Variants in SLC35F5 observed in about 807,000 individuals in gnomAD.
The protein encoded by SLC35F5 is solute carrier family 35 member F5, also known as HCV NS5A-transactivated protein 3.
SLC35F5 carries 54 observed loss-of-function variants against 68.6 expected under a neutral mutation model. The observed-to-expected ratio is 0.79, with a 90% CI of 0.63 to 0.99. The LOEUF is 0.99. Ranked by LOEUF, SLC35F5 falls within the 50% of genes least tolerant of loss-of-function variation. The pLI is 0.00. For synonymous variants in SLC35F5, 211 were observed against 205.2 expected (o/e 1.03, Z -0.24); for missense variants, 567 against 626.9 (o/e 0.90, Z 1.02).
chr2:113,752,509 A>T (rs1315784241), intron 3 of SLC35F5, among the ~76,000 whole-genome samples: 1 of 152,226 alleles, frequency 6.6e-6, no homozygotes, highest in Non-Finnish European at 1.5e-5. Flanking sequence ...CTGAAAACTA[A>T]ACCTAAATCA....
chr2:113,753,457 G>C (rs559532459), intron 3 of SLC35F5, among the ~76,000 whole-genome samples: 238 of 152,160 alleles, frequency 1.6e-3, no homozygotes, highest in African/African-American at 5.5e-3. Context: ...GATTTCAGGC[G>C]TGAGCCACTG....
intron 9 of SLC35F5, among the ~76,000 whole-genome samples, chr2:113,734,249 GA>G (rs1559340312): frequency 1.3e-5 from 2 of 152,126 alleles, no homozygotes; most frequent in African/African-American, 4.8e-5. Context: ...ACAAAGAGGG[GA>G]AATTGCCTTA....
At chr2:113,745,592 C>T (rs1458511396) in intron 5 of SLC35F5, among the ~76,000 whole-genome samples, 1 of 152,020 alleles carries the variant, frequency 6.6e-6, no homozygotes, top group Non-Finnish European at 1.5e-5. Flanking sequence ...ATTGCTTAAG[C>T]CCAGCAGTTG....
Position 113,743,814 on chromosome 2 carries a change from A to G in SLC35F5, c.481-20T>C, listed in dbSNP as rs1223806941. The stretch of plus-strand genomic sequence containing the variant: ...TTCACTCTGGAATGTAACAGAAAAA[A>G]ATATAAACAACAAATATAAAAGCTA... On this transcript the variant is annotated intron_variant, in intron 5 of 15. Transcript: ENST00000245680. 6.4e-7 allele frequency: 1 copy of G among 1,563,688 alleles called. No individual in the cohort carries two copies. Among genetic ancestry groups the G allele is most frequent in the Non-Finnish European group, 8.7e-7 (1 of 1,147,206 alleles).
In SLC35F5 at chr2:113,710,116, C is replaced by T. The variant is rs2104950353; in HGVS notation, c.*5102G>A. On this transcript the variant is annotated 3_prime_UTR_variant, in exon 16 of 16. Transcript: ENST00000245680. ...CAGGCATGAGCCTGTGTTCTCCCCT[C>T]TCTTCCAATAATGTGTATTCAACAA... 6.6e-6 allele frequency among the ~76,000 whole-genome samples: 1 copy of T among 152,288 alleles called. No homozygotes were observed. The highest frequency in any genetic ancestry group is 3.4e-3 in the Middle Eastern group (1 of 294).
At position 113,737,988 on chromosome 2, in the gene SLC35F5, A is replaced by G. The variant is rs566515343; in HGVS notation, c.751-2130T>C. Among the ~76,000 whole-genome samples the G allele has an allele frequency of 4.0e-5, 6 of 151,438 alleles. 1 individual carries two copies. Among genetic ancestry groups the G allele is most frequent in the African/African-American group, 1.5e-4 (6 of 40,728 alleles). On this transcript the variant is annotated intron_variant, in intron 7 of 15. Transcript: ENST00000245680. The stretch of plus-strand genomic sequence containing the variant: ...TAAAATGTTAATATTTGATAAAAAT[A>G]GTGTATGTTCAAGGTATATAACATG...
chr2:113,743,836 G>C, intron 5 of SLC35F5, 42 bp from the exon 6 acceptor site: 2 of 1,493,172 alleles, frequency 1.3e-6, no homozygotes, highest in Non-Finnish European at 1.8e-6. Context: ...AAATATAAAA[G>C]CTAACATAGT....
At position 113,731,422 on chromosome 2, in the gene SLC35F5, C is replaced by G. The variant is rs559981550; in HGVS notation, c.985+162G>C. On this transcript the variant is annotated intron_variant, in intron 10 of 15. Coordinates refer to ENST00000245680, the MANE Select transcript of SLC35F5 (RefSeq NM_025181.5). ...TCTGGGTGAAGGCTATGAGAATTCA[C>G]TAAACTATTTACGCATTTTTTTATG... 5.5e-4 allele frequency among the ~76,000 whole-genome samples: 83 copies of G among 152,274 alleles called. 1 individual carries two copies. The highest frequency in any genetic ancestry group is 5.9e-5 in the Non-Finnish European group (4 of 68,010).
chr2:113,743,439 T>C (rs1169455540), intron 6 of SLC35F5, among the ~76,000 whole-genome samples: 1 of 152,210 alleles, frequency 6.6e-6, no homozygotes, highest in Non-Finnish European at 1.5e-5. Flanking sequence ...TGTTTATATA[T>C]AAGCGTGTGA....
intron 7 of SLC35F5, chr2:113,742,261 TC>T (rs1418281917): frequency 1.2e-5 from 2 of 167,572 alleles, no homozygotes; most frequent in African/African-American, 4.7e-5. Context: ...ATACTTAACC[TC>T]ATTTATATGA....
At chr2:113,736,449 T>A (rs2418916) in intron 7 of SLC35F5, among the ~76,000 whole-genome samples, 73,984 of 150,386 alleles carry the variant, frequency 0.49, 18,805 homozygotes, top group Middle Eastern at 0.66. Flanking sequence ...TCTCAAAAAA[T>A]AAAAAAATCG....
intron 4 of SLC35F5, among the ~76,000 whole-genome samples, chr2:113,749,785 G>A (rs1676661041): frequency 6.6e-6 from 1 of 151,982 alleles, no homozygotes; most frequent in Non-Finnish European, 1.5e-5. Flanking sequence ...TTAAAATGGT[G>A]TATTTCACAT....
Position 113,734,616 on chromosome 2 carries a change from G to A in SLC35F5, c.890C>T (p.Thr297Ile), listed in dbSNP as rs1250663545. The A allele has an allele frequency of 6.2e-7, 1 of 1,604,024 alleles. No homozygotes were observed. The highest frequency in any genetic ancestry group is 1.3e-5 in the African/African-American group (1 of 74,656). ...AATTACAGCTAATAGTTTAGAAAGG[G>A]TAAATCTATCTCCACTGTTACTTGG... ...VFPSNSGDRF[T>I]LSKLLAVILS... Residue 297 changes from threonine (T) to isoleucine (I), a missense_variant, in exon 9 of 16, where the codon ACC (threonine) becomes ATC (isoleucine). Thr to Ile is a moderately conservative substitution (Grantham distance 89, BLOSUM62 -1). Transcript: ENST00000245680.
At chr2:113,716,080 C>A (rs1347973471) in intron 15 of SLC35F5, among the ~76,000 whole-genome samples, 2 of 152,036 alleles carry the variant, frequency 1.3e-5, no homozygotes, top group Non-Finnish European at 2.9e-5. Context: ...CTATGCCCAG[C>A]CTGGAATTTT....
chr2:113,721,728 A>G (rs1396326135), intron 13 of SLC35F5, among the ~76,000 whole-genome samples: 1 of 152,150 alleles, frequency 6.6e-6, no homozygotes, highest in Non-Finnish European at 1.5e-5. Flanking sequence ...AAGGGCCTAG[A>G]TATTACTTAA....
chr2:113,705,135 T>C (rs1344434062), downstream of SLC35F5: 1 of 152,238 alleles, frequency 6.6e-6, no homozygotes, highest in African/African-American at 2.4e-5. Flanking sequence ...GGTAATTTAA[T>C]GTCTAAACTA....
intron 7 of SLC35F5, among the ~76,000 whole-genome samples, chr2:113,740,476 T>A (rs1254602465): frequency 6.6e-6 from 1 of 152,244 alleles, no homozygotes; most frequent in Non-Finnish European, 1.5e-5. Context: ...TTTAAAGGTA[T>A]GTGCAGATAA....
rs1323055868 is a variant in SLC35F5, at chr2:113,711,478, A to AT, written c.*3739dup. Among the ~76,000 whole-genome samples, 1 of 152,160 alleles carries AT rather than the reference A, an allele frequency of 6.6e-6. No homozygotes were observed. The highest frequency in any genetic ancestry group is 2.4e-5 in the African/African-American group (1 of 41,446). On this transcript the variant is annotated 3_prime_UTR_variant, in exon 16 of 16. Coordinates refer to ENST00000245680, the MANE Select transcript of SLC35F5 (RefSeq NM_025181.5). ...CAATGTACCTATGAAATACTGTATT[A>AT]TTAGTTATTGTACAGGCAAATGAGG... is the stretch of plus-strand genomic sequence containing the variant.
chr2:113,755,144 T>C (rs1676915980), intron 3 of SLC35F5, 21 bp downstream of exon 3: 2 of 1,611,800 alleles, frequency 1.2e-6, no homozygotes, highest in Non-Finnish European at 8.5e-7. Context: ...GTAACATCAT[T>C]CCTGGACCAA....
Sources: gnomAD v4.1 joint callset for allele counts (sites outside exome capture counted in the v4.1 genomes callset) on GRCh38, gnomAD v4.1.1 for gene constraint, MANE v1.5 for transcripts, NCBI Gene and HGNC (gene_info 2026-07-23, HGNC 2026-07-21) for gene names.